Variants in KMT2C observed in about 807,000 individuals in gnomAD.
The protein encoded by KMT2C is histone-lysine N-methyltransferase 2C.
KMT2C carries 88 observed loss-of-function variants against 507.9 expected under a neutral mutation model. That is an observed-to-expected ratio of 0.17 (90% CI 0.15 to 0.21). The LOEUF (loss-of-function observed/expected upper bound fraction) is 0.21, where lower values mean the gene tolerates loss of function less well. Among genes scored for constraint, KMT2C ranks in the 10% least tolerant of loss-of-function variants. The pLI, the probability that KMT2C is intolerant of heterozygous loss-of-function variation, is 1.00. For missense variants in KMT2C, 4,954 were observed against 5,957.8 expected, an observed-to-expected ratio of 0.83 and a Z score of 5.55; for synonymous variants, 2,049 against 2,080.8, an observed-to-expected ratio of 0.98 and a Z score of 0.42.
At chr7:152,400,251 ATG>A (rs1403328099) in intron 1 of KMT2C, among the ~76,000 whole-genome samples, 1 of 151,944 alleles carries the variant, frequency 6.6e-6, no homozygotes, top group Non-Finnish European at 1.5e-5. Context: ...AGAGGTTGCA[ATG>A]TGCCAAGATG....
Position 152,136,203 on chromosome 7 carries a change from CA to C in KMT2C, c.*628del. 1 of 209,124 alleles carries C rather than the reference CA, an allele frequency of 4.8e-6. No individual in the cohort carries two copies. Among genetic ancestry groups the C allele is most frequent in the Non-Finnish European group, 9.7e-6 (1 of 102,672 alleles). The allele number at this position is 209,124 out of a possible 1,614,324, so 13.0% of individuals were successfully genotyped here. A position where few individuals can be genotyped will look rare whatever the true frequency, so the allele number is the denominator to read the frequency against. On this transcript the variant is annotated 3_prime_UTR_variant, in exon 59 of 59. Coordinates refer to ENST00000262189, the MANE Select transcript of KMT2C (RefSeq NM_170606.3). ...AAAGTTTCTCTTATTTTACAGAAAT[CA>C]AAAACTACAATAAACTGACTCATGG...
chr7:152,238,573 C>T (rs2095327161), intron 15 of KMT2C, 134 bp downstream of exon 15: 1 of 642,736 alleles, frequency 1.6e-6, no homozygotes, highest in African/African-American at 1.9e-5. Flanking sequence ...TATTTCTTTA[C>T]ATTAAAATTT....
intron 1 of KMT2C, among the ~76,000 whole-genome samples, chr7:152,398,010 T>C (rs1299985776): frequency 2.6e-5 from 4 of 152,188 alleles, no homozygotes; most frequent in Admixed American, 1.3e-4. Context: ...CTAAAATGCC[T>C]CCACATCATT....
In KMT2C at chr7:152,243,671, G is replaced by A. The variant is rs528827887; in HGVS notation, c.2532+4231C>T. Among the ~76,000 whole-genome samples the A allele has an allele frequency of 7.9e-5, 12 of 152,130 alleles. No individual in the cohort carries two copies. The East Asian group carries it at 1.2e-3, about 15-fold the overall frequency. On this transcript the variant is annotated intron_variant, in intron 14 of 58. Coordinates refer to ENST00000262189, the MANE Select transcript of KMT2C (RefSeq NM_170606.3). ...GTGTTGACGTGCGCCCGTAGTCCCC[G>A]CTACTCAGGAGGCTGAGACAGGAGA...
At chr7:152,213,479 ATAAG>A (rs1196144624) in intron 23 of KMT2C, among the ~76,000 whole-genome samples, 1 of 152,200 alleles carries the variant, frequency 6.6e-6, no homozygotes, top group Non-Finnish European at 1.5e-5. Context: ...GGTGTCTTCA[ATAAG>A]TAGTGGTAAG....
At chr7:152,430,135 G>A (rs1247388401) in intron 1 of KMT2C, among the ~76,000 whole-genome samples, 6 of 148,906 alleles carry the variant, frequency 4.0e-5, no homozygotes, top group African/African-American at 9.9e-5. Flanking sequence ...CCAGGATCAC[G>A]CCACTGCACT....
intron 6 of KMT2C, among the ~76,000 whole-genome samples, chr7:152,295,115 T>C (rs753649190): frequency 5.9e-5 from 9 of 152,200 alleles, no homozygotes; most frequent in Non-Finnish European, 1.0e-4. Context: ...AATCAAATAC[T>C]ATGCATTCTA....
intron 23 of KMT2C, among the ~76,000 whole-genome samples, chr7:152,214,411 T>C (rs555716951): frequency 2.3e-4 from 35 of 151,600 alleles, no homozygotes; most frequent in African/African-American, 7.2e-4. Flanking sequence ...AGTCCTCCCT[T>C]AATGTCATCA....
chr7:152,360,248 T>C (rs935341707), intron 1 of KMT2C, among the ~76,000 whole-genome samples: 15 of 151,076 alleles, frequency 9.9e-5, no homozygotes, highest in Non-Finnish European at 2.1e-4. Flanking sequence ...GAGGCCGAGG[T>C]GGGTGGATCA....
intron 2 of KMT2C, among the ~76,000 whole-genome samples, chr7:152,357,649 A>C (rs957239871): frequency 5.3e-5 from 8 of 152,196 alleles, no homozygotes; most frequent in African/African-American, 1.9e-4. Context: ...TAACAGTTTA[A>C]AGTAATACAG....
chr7:152,160,863 C>A (rs986049592), intron 43 of KMT2C, among the ~76,000 whole-genome samples: 3 of 151,816 alleles, frequency 2.0e-5, no homozygotes, highest in Non-Finnish European at 4.4e-5. Flanking sequence ...TTAAGTGGTA[C>A]AACAGAAATC....
Position 152,349,485 on chromosome 7 carries a change from G to A in KMT2C, c.250+9102C>T, listed in dbSNP as rs568217369. ...AGAAAAGAAAAAAACAGAAAAGGAT[G>A]TGGAGGAAACATAAATGCATATTAT... is the stretch of plus-strand genomic sequence containing the variant. On this transcript the variant is annotated intron_variant, in intron 2 of 58. Coordinates refer to ENST00000262189, the MANE Select transcript of KMT2C (RefSeq NM_170606.3). Among the ~76,000 whole-genome samples the A allele has an allele frequency of 5.3e-5, 8 of 152,070 alleles. No homozygotes were observed. The East Asian group carries it at 1.5e-3, about 29-fold the overall frequency.
intron 56 of KMT2C, 61 bp from the exon 57 acceptor site, chr7:152,139,320 T>C: frequency 2.0e-6 from 3 of 1,475,260 alleles, no homozygotes; most frequent in East Asian, 2.3e-5. Flanking sequence ...TCTGTGTTCC[T>C]ATCCACACCA....
At chr7:152,299,634 G>T (rs2096548853) in intron 6 of KMT2C, among the ~76,000 whole-genome samples, 1 of 152,020 alleles carries the variant, frequency 6.6e-6, no homozygotes, top group South Asian at 2.1e-4. Flanking sequence ...GGGTGACAGA[G>T]TAAGACCCCA....
intron 1 of KMT2C, among the ~76,000 whole-genome samples, chr7:152,429,622 G>A (rs1390663657): frequency 1.3e-5 from 2 of 151,790 alleles, no homozygotes; most frequent in Non-Finnish European, 2.9e-5. Context: ...CTGGGTTCAA[G>A]CGATTCTCCT....
chr7:152,308,917 A>G (rs1037876289), intron 6 of KMT2C, among the ~76,000 whole-genome samples: 14 of 152,138 alleles, frequency 9.2e-5, no homozygotes, highest in African/African-American at 3.1e-4. Context: ...GATGGGAGGA[A>G]GCCGTTTCAT....
intron 15 of KMT2C, 147 bp downstream of exon 15, chr7:152,238,560 T>C (rs1588487663): frequency 6.5e-6 from 4 of 616,170 alleles, no homozygotes; most frequent in Non-Finnish European, 1.1e-5. Context: ...AATGCAAGCA[T>C]ATTATTTCTT....
rs769323763 is a variant in KMT2C, at chr7:152,220,722, A to G, written c.3513T>C (p.Thr1171=). The G allele has an allele frequency of 6.2e-7, 1 of 1,607,830 alleles. No homozygotes were observed. The highest frequency in any genetic ancestry group is 2.2e-5 in the East Asian group (1 of 44,844). Residue 1171 remains threonine, a synonymous_variant, in exon 23 of 59, where the codon ACT becomes ACC. Transcript: ENST00000262189. Reference sequence around the variant, plus strand: ...TCAAACACACACCATCCTGGGTATAAGTCTTGGGTGGGTCTAAAATTACAA... The same window carrying G: ...TCAAACACACACCATCCTGGGTATAGGTCTTGGGTGGGTCTAAAATTACAA... The part of the protein sequence containing the change: ...TKVKELDPPK[T]YTQDGVCLTE...
intron 6 of KMT2C, among the ~76,000 whole-genome samples, chr7:152,276,587 T>C (rs1452392133): frequency 6.6e-6 from 1 of 151,964 alleles, no homozygotes; most frequent in Non-Finnish European, 1.5e-5. Flanking sequence ...ACTCCATCTC[T>C]ACAAAAAATA....
Sources: gnomAD v4.1 joint callset for allele counts (sites outside exome capture counted in the v4.1 genomes callset) on GRCh38, gnomAD v4.1.1 for gene constraint, MANE v1.5 for transcripts, NCBI Gene and HGNC (gene_info 2026-07-23, HGNC 2026-07-21) for gene names.